MTPAP: variants seen among roughly 807,000 people sequenced by gnomAD.
MTPAP encodes the protein poly(A) RNA polymerase, mitochondrial.
MTPAP carries 23 observed loss-of-function variants against 48.7 expected under a neutral mutation model. That is an observed-to-expected ratio of 0.47 (90% CI 0.34 to 0.67). MTPAP has a LOEUF of 0.67. MTPAP is among the 30% of genes least tolerant of loss of function. The pLI, the probability that MTPAP is intolerant of heterozygous loss-of-function variation, is 0.01. For missense variants in MTPAP, 614 were observed against 694.3 expected (o/e 0.88, Z 1.30); for synonymous variants, 257 against 254.1 (o/e 1.01, Z -0.11).
intron 8 of MTPAP, among the ~76,000 whole-genome samples, chr10:30,315,376 G>A (rs1351865655): frequency 1.3e-5 from 2 of 151,946 alleles, no homozygotes; most frequent in African/African-American, 4.8e-5. Flanking sequence ...CAAACAGAGG[G>A]CTATCCCAAG....
intron 4 of MTPAP, among the ~76,000 whole-genome samples, chr10:30,336,172 G>A (rs1834728646): frequency 6.6e-6 from 1 of 152,058 alleles, no homozygotes; most frequent in African/African-American, 2.4e-5. Context: ...CTATTTATAA[G>A]AGATACACCC....
At chr10:30,320,050 A>G (rs1035764729) in intron 6 of MTPAP, among the ~76,000 whole-genome samples, 10 of 152,194 alleles carry the variant, frequency 6.6e-5, no homozygotes, top group African/African-American at 2.4e-4. Flanking sequence ...TGAGCCTAGG[A>G]GTTTGAGACC....
At chr10:30,314,461 T>C (rs574940799) in intron 8 of MTPAP, among the ~76,000 whole-genome samples, 1 of 152,244 alleles carries the variant, frequency 6.6e-6, no homozygotes, top group Admixed American at 6.5e-5. Flanking sequence ...TATTAATTAA[T>C]GTTTCCCAAG....
chr10:30,319,765 T>C (rs977480167), intron 6 of MTPAP, among the ~76,000 whole-genome samples: 8 of 152,382 alleles, frequency 5.2e-5, no homozygotes, highest in Admixed American at 2.0e-4. Flanking sequence ...TGGCATTTAT[T>C]GGCAATTCGC....
At chr10:30,316,331 C>T (rs1005051967) in intron 6 of MTPAP, 121 bp from the exon 7 acceptor site, 34 of 770,566 alleles carry the variant, frequency 4.4e-5, no homozygotes, top group Non-Finnish European at 7.0e-5. Context: ...CAGCCTCCAC[C>T]TCCCAGGTTC....
At chr10:30,316,231 AT>A in intron 6 of MTPAP, 21 bp from the exon 7 acceptor site, 1 of 1,575,498 alleles carries the variant, frequency 6.3e-7, no homozygotes, top group Non-Finnish European at 8.7e-7. Flanking sequence ...AACAAAAAAT[AT>A]TTCACGTGTT....
intron 6 of MTPAP, 21 bp downstream of exon 6, chr10:30,322,370 G>A: frequency 1.3e-6 from 2 of 1,512,164 alleles, no homozygotes; most frequent in East Asian, 2.3e-5. Context: ...AGAAAATGGA[G>A]AAGTTTCTTT....
chr10:30,332,589 C>T (rs1398001734), intron 4 of MTPAP, among the ~76,000 whole-genome samples: 4 of 152,128 alleles, frequency 2.6e-5, no homozygotes, highest in African/African-American at 4.8e-5. Flanking sequence ...CCACTGTGCC[C>T]GGCCCAAAAT....
chr10:30,335,580 A>G (rs890370542), intron 4 of MTPAP, among the ~76,000 whole-genome samples: 29 of 152,232 alleles, frequency 1.9e-4, no homozygotes, highest in African/African-American at 5.3e-4. Context: ...TGGAAGAGAC[A>G]CTGGTTAATT....
intron 6 of MTPAP, among the ~76,000 whole-genome samples, chr10:30,317,908 G>A (rs1588712041): frequency 6.6e-6 from 1 of 151,992 alleles, no homozygotes; most frequent in Non-Finnish European, 1.5e-5. Context: ...AGGCTGAAGT[G>A]CAGTGGCGGC....
chr10:30,332,241 G>T (rs1834677303), intron 4 of MTPAP, among the ~76,000 whole-genome samples: 1 of 152,168 alleles, frequency 6.6e-6, no homozygotes, highest in Admixed American at 6.5e-5. Context: ...GCACATGTAT[G>T]TTTATAACAA....
At chr10:30,337,156 G>A in intron 3 of MTPAP, 129 bp from the exon 4 acceptor site, 1 of 832,450 alleles carries the variant, frequency 1.2e-6, no homozygotes, top group South Asian at 1.4e-5. Context: ...CTGGCGCAGT[G>A]GCTCACGCCT....
intron 5 of MTPAP, among the ~76,000 whole-genome samples, chr10:30,322,865 G>A (rs1048873271): frequency 2.0e-5 from 3 of 151,896 alleles, no homozygotes; most frequent in Admixed American, 6.6e-5. Flanking sequence ...AGCCGGGCTC[G>A]GTGGCTCATG....
intron 5 of MTPAP, 91 bp downstream of exon 5, chr10:30,326,333 A>G: frequency 8.4e-7 from 1 of 1,185,440 alleles, no homozygotes; most frequent in Non-Finnish European, 1.2e-6. Context: ...AAGCATGTTT[A>G]AGATTACAAA....
At chr10:30,332,917 C>T (rs1237185136) in intron 4 of MTPAP, among the ~76,000 whole-genome samples, 7 of 151,824 alleles carry the variant, frequency 4.6e-5, no homozygotes, top group Non-Finnish European at 7.4e-5. Flanking sequence ...GTCAGGAGAT[C>T]GAGACCATCC....
At position 30,311,302 on chromosome 10, in the gene MTPAP, C is replaced by A. The variant is rs1409118332; in HGVS notation, c.*2307G>T. 1 of 152,114 alleles carries A rather than the reference C, an allele frequency of 6.6e-6. No individual in the cohort carries two copies. Among genetic ancestry groups the A allele is most frequent in the African/African-American group, 2.4e-5 (1 of 41,406 alleles). 9.4% of individuals were successfully genotyped at this position (152,114 alleles called of 1,614,324 possible). A position where few individuals can be genotyped will look rare whatever the true frequency, so the allele number is the denominator to read the frequency against. On this transcript the variant is annotated 3_prime_UTR_variant, in exon 9 of 9. Transcript: ENST00000263063. ...CAATCCAATAGCACAGACACAAGGA[C>A]ACAGAATTCATTTGCTTCATAACAA...
At chr10:30,328,505 C>T (rs1834626035) in intron 4 of MTPAP, among the ~76,000 whole-genome samples, 1 of 152,200 alleles carries the variant, frequency 6.6e-6, no homozygotes. Context: ...GCAGTACTAT[C>T]CATGTGGTAT....
rs979468806 is a variant in MTPAP, at chr10:30,310,932, T to G, written c.*2677A>C. 1 of 151,928 alleles carries G rather than the reference T, an allele frequency of 6.6e-6. No homozygotes were observed. The highest frequency in any genetic ancestry group is 2.4e-5 in the African/African-American group (1 of 41,378). The allele number at this position is 151,928 out of a possible 1,614,324, so 9.4% of individuals were successfully genotyped here. ...AAACAAAAAACAAGTCTTTGTAGAT[T>G]TAAAATTAATCACATAATTAAATCT... is the stretch of plus-strand genomic sequence containing the variant. On this transcript the variant is annotated 3_prime_UTR_variant, in exon 9 of 9. Transcript: ENST00000263063.
rs11007981 is a variant in MTPAP at position 30,318,887 on chromosome 10, C to A, written c.1220-2677G>T. Among the ~76,000 whole-genome samples, 148 of 152,228 alleles carry A rather than the reference C, an allele frequency of 9.7e-4. 2 individuals are homozygous for A. The East Asian group carries it at 0.019, about 20-fold the overall frequency. ...AGGCAGGCACATAAAAGAACTACAA[C>A]AATCTAACAGTTGTTACAATACAGG... On this transcript the variant is annotated intron_variant, in intron 6 of 8. Transcript: ENST00000263063.
Sources: allele counts gnomAD v4.1 joint callset (sites outside exome capture counted in the v4.1 genomes callset), GRCh38; gene constraint gnomAD v4.1.1; transcripts MANE v1.5; gene names NCBI Gene and HGNC (gene_info 2026-07-23, HGNC 2026-07-21).